PRSS3: variants seen among roughly 807,000 people sequenced by gnomAD.
PRSS3 encodes the protein trypsin-3.
A neutral mutation model predicts 20.8 loss-of-function variants in PRSS3; 14 were observed. That is an observed-to-expected ratio of 0.67 (90% CI 0.44 to 1.05). The LOEUF (loss-of-function observed/expected upper bound fraction) is 1.05. Ranked by LOEUF, PRSS3 falls within the 50% of genes least tolerant of loss-of-function variation. The pLI is 0.00. For synonymous variants in PRSS3, 91 were observed against 117.6 expected (o/e 0.77, Z 1.46); for missense variants, 237 against 306.4 (o/e 0.77, Z 1.69).
chr9:33,760,002 C>A (rs1823117174), intron 1 of PRSS3, among the ~76,000 whole-genome samples: 1 of 152,122 alleles, frequency 6.6e-6, no homozygotes, highest in Non-Finnish European at 1.5e-5. Context: ...AGGCAGAGAG[C>A]CCAAGCCTTG....
At chr9:33,757,871 C>A (rs1426558278) in intron 1 of PRSS3, among the ~76,000 whole-genome samples, 1 of 152,138 alleles carries the variant, frequency 6.6e-6, no homozygotes, top group Non-Finnish European at 1.5e-5. Flanking sequence ...ACCTCATTCT[C>A]AAATCTGATG....
At chr9:33,778,330 C>G (rs1824031366) in intron 1 of PRSS3, among the ~76,000 whole-genome samples, 1 of 152,130 alleles carries the variant, frequency 6.6e-6, no homozygotes, top group South Asian at 2.1e-4. Context: ...AATGTTCACT[C>G]TTAACCACTT....
chr9:33,786,450 G>T (rs1013643687), intron 1 of PRSS3: 17 of 706,982 alleles, frequency 2.4e-5, no homozygotes, highest in Admixed American at 1.9e-5. Flanking sequence ...AGCTGAGGTG[G>T]TATTGGAGAG....
intron 1 of PRSS3, among the ~76,000 whole-genome samples, chr9:33,790,324 A>G (rs1265963002): frequency 6.6e-6 from 1 of 152,250 alleles, no homozygotes; most frequent in African/African-American, 2.4e-5. Context: ...AATATTTTAC[A>G]TTAACTTTAA....
At chr9:33,785,402 C>G (rs1357033383) in intron 1 of PRSS3, among the ~76,000 whole-genome samples, 2 of 151,616 alleles carry the variant, frequency 1.3e-5, no homozygotes, top group African/African-American at 4.9e-5. Flanking sequence ...TGGTCTCGAT[C>G]TCCTGACCTC....
chr9:33,754,143 C>T (rs1822831087), intron 1 of PRSS3, among the ~76,000 whole-genome samples: 1 of 152,028 alleles, frequency 6.6e-6, no homozygotes, highest in South Asian at 2.1e-4. Flanking sequence ...ACAATCTCAG[C>T]TCACTGCAAC....
intron 1 of PRSS3, among the ~76,000 whole-genome samples, chr9:33,753,680 T>A (rs1822797887): frequency 6.6e-6 from 1 of 152,246 alleles, no homozygotes; most frequent in Non-Finnish European, 1.5e-5. Flanking sequence ...GCTTTACTTG[T>A]CTTATTCCTA....
At chr9:33,794,700 T>G, upstream of PRSS3, 1 of 1,502,924 alleles carries the variant, frequency 6.7e-7, no homozygotes, top group East Asian at 2.5e-5. Flanking sequence ...TGGTTCAGGC[T>G]GTCAGCCCTG....
intron 1 of PRSS3, among the ~76,000 whole-genome samples, chr9:33,763,447 C>A (rs1184460649): frequency 6.6e-6 from 1 of 152,206 alleles, no homozygotes; most frequent in Non-Finnish European, 1.5e-5. Context: ...CGCCTGTAAT[C>A]CCAGCACTTT....
chr9:33,793,662 A>T (rs1346867827), upstream of PRSS3: 16 of 975,068 alleles, frequency 1.6e-5, no homozygotes, highest in Non-Finnish European at 1.8e-5. Context: ...CTCCTTTTAG[A>T]TGTCACCTGC....
At chr9:33,777,345 A>T (rs564765086) in intron 1 of PRSS3, among the ~76,000 whole-genome samples, 7 of 151,974 alleles carry the variant, frequency 4.6e-5, no homozygotes, top group South Asian at 2.1e-4. Context: ...TTGGATTGTG[A>T]GGAAGAAATG....
At chr9:33,768,469 C>T (rs1482157701) in intron 1 of PRSS3, among the ~76,000 whole-genome samples, 3 of 142,266 alleles carry the variant, frequency 2.1e-5, no homozygotes, top group Admixed American at 7.0e-5. Context: ...GGCAATAGAG[C>T]GAGACTCAAA....
chr9:33,798,430 CT>C (rs1825132342), intron 3 of PRSS3, 55 bp from the exon 4 acceptor site: 13 of 1,605,306 alleles, frequency 8.1e-6, no homozygotes, highest in Non-Finnish European at 1.1e-5. Context: ...TTATTGTCTC[CT>C]TCTCTGGCCT....
At chr9:33,798,256 C>A in intron 3 of PRSS3, 174 bp downstream of exon 3, 1 of 1,253,870 alleles carries the variant, frequency 8.0e-7, no homozygotes, top group South Asian at 1.5e-5. Flanking sequence ...GGACTTGGCT[C>A]CTAAAATCAA....
chr9:33,767,918 G>A (rs538720708), intron 1 of PRSS3, among the ~76,000 whole-genome samples: 67 of 152,306 alleles, frequency 4.4e-4, no homozygotes, highest in African/African-American at 1.6e-3. Context: ...CCAGGAGAGA[G>A]GCCTCAGAAG....
At chr9:33,775,388 A>C (rs1274479965) in intron 1 of PRSS3, among the ~76,000 whole-genome samples, 1 of 152,224 alleles carries the variant, frequency 6.6e-6, no homozygotes, top group Non-Finnish European at 1.5e-5. Flanking sequence ...TTGTTGGCTT[A>C]ACATGGGAAT....
intron 1 of PRSS3, among the ~76,000 whole-genome samples, chr9:33,777,020 A>G (rs1823964665): frequency 6.6e-6 from 1 of 152,208 alleles, no homozygotes; most frequent in South Asian, 2.1e-4. Context: ...GTCCAAAACT[A>G]GAAAAGAAGA....
Position 33,796,652 on chromosome 9 carries a change from C to G in PRSS3, c.50C>G (p.Pro17Arg). 1.2e-6 allele frequency: 2 copies of G among 1,613,956 alleles called. No homozygotes were observed. The highest frequency in any genetic ancestry group is 2.2e-5 in the South Asian group (2 of 91,056). The change falls in exon 2 of 5, where the codon CCC becomes CGC. Residue 17 changes from proline to arginine, a missense_variant. Coordinates refer to ENST00000379405, the MANE Select transcript of PRSS3 (RefSeq NM_002771.4). Reference protein sequence around the residue: ...LAFVGAAVAVPFDDDDKIVGG... With the variant: ...LAFVGAAVAVRFDDDDKIVGG... ...CCTATTTCCACTCCAGTTGCTGTCCCCTTTGACGATGATGACAAGATTGTT... is the reference window on the plus strand; with the variant it reads ...CCTATTTCCACTCCAGTTGCTGTCCGCTTTGACGATGATGACAAGATTGTT...
chr9:33,755,867 T>C (rs1038358779), intron 1 of PRSS3, among the ~76,000 whole-genome samples: 16 of 152,214 alleles, frequency 1.1e-4, no homozygotes, highest in Non-Finnish European at 2.2e-4. Flanking sequence ...GTAAATTTTC[T>C]AAGCACATCT....
Sources: gnomAD v4.1 joint callset for allele counts (sites outside exome capture counted in the v4.1 genomes callset) on GRCh38, gnomAD v4.1.1 for gene constraint, MANE v1.5 for transcripts, NCBI Gene and HGNC (gene_info 2026-07-23, HGNC 2026-07-21) for gene names.